TRPM6: variants seen among roughly 807,000 people sequenced by gnomAD.
TRPM6 encodes channel kinase 2.
In TRPM6, 111 loss-of-function variants were observed where a neutral mutation model predicts 247.6. The ratio of observed to expected loss-of-function variants is 0.45; its 90% CI spans 0.38 to 0.52. The LOEUF (loss-of-function observed/expected upper bound fraction) is 0.52. Ranked by LOEUF, TRPM6 falls within the 20% of genes least tolerant of loss-of-function variation. The pLI is 0.00. For missense variants in TRPM6, 2,126 were observed against 2,421.5 expected, an observed-to-expected ratio of 0.88 and a Z score of 2.56; for synonymous variants, 892 against 853.8, an observed-to-expected ratio of 1.04 and a Z score of -0.78.
chr9:74,773,144 A>G (rs111236440), intron 24 of TRPM6, among the ~76,000 whole-genome samples: 1 of 152,120 alleles, frequency 6.6e-6, no homozygotes, highest in African/African-American at 2.4e-5. Flanking sequence ...AACAACAACA[A>G]CAACAACAAA....
chr9:74,817,693 G>A (rs918419181), intron 9 of TRPM6, among the ~76,000 whole-genome samples: 5 of 151,804 alleles, frequency 3.3e-5, no homozygotes, highest in Admixed American at 3.3e-4. Context: ...ACCCTGTGGG[G>A]TGTGCTTTCA....
In TRPM6 at chr9:74,821,669, C is replaced by G; in HGVS notation, c.1010G>C (p.Gly337Ala). The change falls in exon 8 of 39, where the codon GGG becomes GCG. Residue 337 changes from glycine to alanine, a missense_variant and splice_region_variant. This residue lies in a region of TRPM6 where 1,082 missense variants were observed against 1,307.9 expected (regional missense o/e 0.83). Transcript: ENST00000360774. ...CAAAAAAGAAGAGCCAACAACTCAC[C>G]CTTCATCTGCCAGGTGTTTGTGTGT... Reference protein sequence around the residue: ...AFTHKHLADEGMLRPQVKEEI... With the variant: ...AFTHKHLADEAMLRPQVKEEI... 6.2e-7 allele frequency: 1 copy of G among 1,614,184 alleles called. No individual in the cohort carries two copies. Among genetic ancestry groups the G allele is most frequent in the Non-Finnish European group, 8.5e-7 (1 of 1,180,040 alleles).
At chr9:74,738,702 T>A in intron 35 of TRPM6, 90 bp from the exon 36 acceptor site, 1 of 1,098,630 alleles carries the variant, frequency 9.1e-7, no homozygotes, top group Non-Finnish European at 1.4e-6. Flanking sequence ...GAAGATTACC[T>A]AACTCTGGTA....
chr9:74,731,618 C>A (rs1158087714), intron 37 of TRPM6, among the ~76,000 whole-genome samples: 2 of 150,970 alleles, frequency 1.3e-5, no homozygotes, highest in East Asian at 3.9e-4. Context: ...AGCACTAAAG[C>A]AGTGAATATT....
At chr9:74,745,815 C>T (rs566388230) in intron 31 of TRPM6, among the ~76,000 whole-genome samples, 2 of 152,200 alleles carry the variant, frequency 1.3e-5, no homozygotes, top group South Asian at 2.1e-4. Flanking sequence ...GGAGGAATGC[C>T]ATTTGAGCAA....
At chr9:74,787,672 T>C (rs1827742543) in intron 20 of TRPM6, among the ~76,000 whole-genome samples, 1 of 152,152 alleles carries the variant, frequency 6.6e-6, no homozygotes, top group Non-Finnish European at 1.5e-5. Context: ...GTCACAAATA[T>C]TTATGATTAC....
At chr9:74,848,311 G>C (rs1196846812) in intron 3 of TRPM6, among the ~76,000 whole-genome samples, 2 of 152,110 alleles carry the variant, frequency 1.3e-5, no homozygotes, top group Non-Finnish European at 2.9e-5. Flanking sequence ...TTGGATTCAA[G>C]TACTGCAATA....
At chr9:74,732,431 A>C (rs1277666909) in intron 37 of TRPM6, among the ~76,000 whole-genome samples, 2 of 152,256 alleles carry the variant, frequency 1.3e-5, no homozygotes, top group Non-Finnish European at 2.9e-5. Flanking sequence ...AATTTGCATT[A>C]GTCCTTATAA....
At chr9:74,781,536 C>CAAAAAAAAAAAAA (rs35938872) in intron 23 of TRPM6, among the ~76,000 whole-genome samples, 7 of 93,472 alleles carry the variant, frequency 7.5e-5, no homozygotes, top group African/African-American at 2.2e-4. Context: ...GACTCTATCT[C>CAAAAAAAAAAAAA]AAAAAAAAAA....
chr9:74,870,788 G>C (rs1200901042), intron 1 of TRPM6, among the ~76,000 whole-genome samples: 1 of 152,070 alleles, frequency 6.6e-6, no homozygotes, highest in South Asian at 2.1e-4. Context: ...GCTGGGTGTG[G>C]TGGTGTGTGC....
At position 74,761,684 on chromosome 9, in the gene TRPM6, C is replaced by G; in HGVS notation, c.4785+12G>C. The G allele has an allele frequency of 6.6e-7, 1 of 1,523,534 alleles. No homozygotes were observed. Among genetic ancestry groups the G allele is most frequent in the South Asian group, 1.1e-5 (1 of 88,960 alleles). The allele number at this position is 1,523,534 out of a possible 1,614,324, so 94.4% of individuals were successfully genotyped here. On this transcript the variant is annotated intron_variant, in intron 27 of 38. Transcript: ENST00000360774. ...GCTCAAAACCTAAAAGACAGAATAA[C>G]AGTACACTTACTGGCACCTGGAGTC...
chr9:74,836,302 C>T (rs578255633), intron 5 of TRPM6, among the ~76,000 whole-genome samples: 1 of 152,284 alleles, frequency 6.6e-6, no homozygotes, highest in African/African-American at 2.4e-5. Context: ...CCTATTCTTC[C>T]TATGTGTGGT....
At position 74,796,809 on chromosome 9, in the gene TRPM6, G is replaced by A. The variant is rs1828116163; in HGVS notation, c.2323C>T (p.Gln775Ter). The change falls in exon 18 of 39, where the codon CAG becomes TAG. Residue 775 changes from glutamine (Q) to a stop codon, truncating the protein, a stop_gained. Coordinates refer to ENST00000360774, the MANE Select transcript of TRPM6 (RefSeq NM_017662.5). LOFTEE classifies it high-confidence loss of function. ...KAEMSHVPQS[Q>*]DFQFMWYYSD... ...TAATACCACATAAATTGGAAGTCCT[G>A]GGACTGGGGAACATGTGACATCTCA... The A allele has an allele frequency of 6.2e-7, 1 of 1,613,780 alleles. No individual in the cohort carries two copies. The highest frequency in any genetic ancestry group is 8.5e-7 in the Non-Finnish European group (1 of 1,179,882).
Position 74,812,393 on chromosome 9 carries a change from A to G in TRPM6, c.1349T>C (p.Met450Thr). ...GAGCTTCACAAAATCCACCCGATCC[A>G]TCACTAAAGCATCTGACATTGCTTG... ...LEQAMSDALV[M>T]DRVDFVKLLI... Residue 450 changes from methionine (M) to threonine (T), a missense_variant, in exon 12 of 39, where the codon ATG becomes ACG. This residue lies in a region of TRPM6 where 1,082 missense variants were observed against 1,307.9 expected (regional missense o/e 0.83). Coordinates refer to ENST00000360774, the MANE Select transcript of TRPM6 (RefSeq NM_017662.5). 1 of 1,614,128 alleles carries G rather than the reference A, an allele frequency of 6.2e-7. No homozygotes were observed. Among genetic ancestry groups the G allele is most frequent in the African/African-American group, 1.3e-5 (1 of 75,054 alleles).
At chr9:74,858,039 C>T (rs968127928) in intron 2 of TRPM6, among the ~76,000 whole-genome samples, 1 of 152,142 alleles carries the variant, frequency 6.6e-6, no homozygotes, top group African/African-American at 2.4e-5. Flanking sequence ...ATGAAATCCA[C>T]GACAATATTA....
chr9:74,769,880 T>C (rs1380629518), intron 25 of TRPM6, among the ~76,000 whole-genome samples: 2 of 152,080 alleles, frequency 1.3e-5, no homozygotes, highest in Non-Finnish European at 2.9e-5. Flanking sequence ...CAGGACTTCA[T>C]CCCAGCTCCG....
Position 74,833,995 on chromosome 9 carries a change from T to C in TRPM6, c.669+3A>G, listed in dbSNP as rs763568174. The stretch of plus-strand genomic sequence containing the variant: ...TTTTGTTATGAAAGGATTGTCTACT[T>C]ACATCTTTTCCAATAAGGTCTCTCT... On this transcript the variant is annotated splice_donor_region_variant and intron_variant, in intron 6 of 38. Transcript: ENST00000360774. 15 of 1,613,906 alleles carry C rather than the reference T, an allele frequency of 9.3e-6. No homozygotes were observed. The South Asian group carries it at 1.2e-4, about 13-fold the overall frequency.
intron 37 of TRPM6, among the ~76,000 whole-genome samples, chr9:74,728,706 C>A (rs1825419680): frequency 1.3e-5 from 2 of 152,150 alleles, no homozygotes; most frequent in Admixed American, 1.3e-4. Context: ...TACTAGAATA[C>A]CCCAAAGGTA....
chr9:74,786,953 C>G (rs1372761646), intron 20 of TRPM6, among the ~76,000 whole-genome samples: 1 of 152,156 alleles, frequency 6.6e-6, no homozygotes, highest in Admixed American at 6.5e-5. Context: ...AATCCCAACA[C>G]TTTGGGAGGC....
Sources: gnomAD v4.1 joint callset for allele counts (sites outside exome capture counted in the v4.1 genomes callset) on GRCh38, gnomAD v4.1.1 for gene constraint, gnomAD v4.1.1 regional missense constraint, MANE v1.5 for transcripts, NCBI Gene and HGNC (gene_info 2026-07-23, HGNC 2026-07-21) for gene names.